The following CHN1 variants were observed in gnomAD, a reference collection of about 807,000 sequenced individuals.
CHN1 encodes N-chimaerin.
Under a neutral mutation model 59.5 loss-of-function variants are expected in CHN1, and 37 were observed. That is an observed-to-expected ratio of 0.62 (90% CI 0.48 to 0.82). The LOEUF (loss-of-function observed/expected upper bound fraction) is 0.82, where lower values mean the gene tolerates loss of function less well. Among genes scored for constraint, CHN1 ranks in the 40% least tolerant of loss-of-function variants. The pLI is 0.00. For missense variants in CHN1, 469 were observed against 571.0 expected (o/e 0.82, Z 1.82); for synonymous variants, 206 against 200.4 (o/e 1.03, Z -0.24).
intron 7 of CHN1, among the ~76,000 whole-genome samples, chr2:174,834,090 G>C (rs547443434): frequency 6.6e-6 from 1 of 152,162 alleles, no homozygotes; most frequent in African/African-American, 2.4e-5. Context: ...ACAGGCGTGA[G>C]CCACCATGCC....
chr2:174,901,571 C>G (rs1203719423), intron 5 of CHN1, among the ~76,000 whole-genome samples: 1 of 152,222 alleles, frequency 6.6e-6, no homozygotes, highest in Non-Finnish European at 1.5e-5. Context: ...CTAATCCTCT[C>G]TCTACCTAAT....
At chr2:174,840,708 A>G (rs1217094484) in intron 7 of CHN1, among the ~76,000 whole-genome samples, 2 of 152,174 alleles carry the variant, frequency 1.3e-5, no homozygotes, top group Non-Finnish European at 2.9e-5. Flanking sequence ...TACTGTGGGC[A>G]AGATGTTTCG....
chr2:174,911,562 A>G (rs927247349), intron 5 of CHN1, among the ~76,000 whole-genome samples: 19 of 152,246 alleles, frequency 1.2e-4, no homozygotes, highest in African/African-American at 4.6e-4. Context: ...GGCTCAGCCT[A>G]AAATTTAGGC....
At chr2:174,800,504 C>A (rs1044067900) in intron 12 of CHN1, among the ~76,000 whole-genome samples, 1 of 152,296 alleles carries the variant, frequency 6.6e-6, no homozygotes, top group South Asian at 2.1e-4. Context: ...GAGGCTCAAG[C>A]CTGAGTTAAT....
intron 7 of CHN1, among the ~76,000 whole-genome samples, chr2:174,826,958 G>A (rs1301209805): frequency 6.6e-6 from 1 of 151,832 alleles, no homozygotes; most frequent in Non-Finnish European, 1.5e-5. Context: ...TTTTTAAATC[G>A]TTTAGAAGGT....
At chr2:174,840,118 T>C (rs1402186528) in intron 7 of CHN1, among the ~76,000 whole-genome samples, 3 of 148,640 alleles carry the variant, frequency 2.0e-5, no homozygotes, top group Non-Finnish European at 3.0e-5. Context: ...ATGTGGCACA[T>C]AAAATTAAAG....
At chr2:174,849,800 G>A (rs1686667436) in intron 6 of CHN1, among the ~76,000 whole-genome samples, 1 of 152,182 alleles carries the variant, frequency 6.6e-6, no homozygotes. Flanking sequence ...AGAGGGCTGA[G>A]GCCTACAGTT....
intron 6 of CHN1, among the ~76,000 whole-genome samples, chr2:174,859,752 A>G (rs1285218834): frequency 6.6e-6 from 1 of 152,086 alleles, no homozygotes; most frequent in East Asian, 1.9e-4. Flanking sequence ...TCTCTACTCT[A>G]CTGTGCTTGC....
At chr2:174,904,503 C>T (rs534575786) in intron 5 of CHN1, among the ~76,000 whole-genome samples, 5 of 152,048 alleles carry the variant, frequency 3.3e-5, no homozygotes, top group Admixed American at 3.3e-4. Flanking sequence ...ATTCTCCTGC[C>T]TCAGCCTCCC....
At position 174,824,521 on chromosome 2, in the gene CHN1, G is replaced by GA. The variant is rs375494218; in HGVS notation, c.628-4dup. On this transcript the variant is annotated splice_region_variant and splice_polypyrimidine_tract_variant and intron_variant, in intron 7 of 12. Transcript: ENST00000409900. The stretch of plus-strand genomic sequence containing the variant: ...TGTGGCCCTCTGAATGTATGCACCT[G>GA]AAAAAAAAAAAGAGGGGCAAAGTCA... 129,836 of 988,914 alleles carry GA rather than the reference G, an allele frequency of 0.13. 65 individuals are homozygous for GA. Among genetic ancestry groups the GA allele is most frequent in the South Asian group, 0.14 (6,747 of 47,474 alleles). The allele number at this position is 988,914 out of a possible 1,614,324, so 61.3% of individuals were successfully genotyped here. A position where few individuals can be genotyped will look rare whatever the true frequency, so the allele number is the denominator to read the frequency against.
At chr2:174,984,322 C>T (rs925585187) in intron 1 of CHN1, among the ~76,000 whole-genome samples, 6 of 147,780 alleles carry the variant, frequency 4.1e-5, no homozygotes, top group African/African-American at 1.5e-4. Flanking sequence ...CTTAAATTAA[C>T]GTTTCTATAA....
At chr2:174,946,971 T>C (rs1374255468) in intron 2 of CHN1, among the ~76,000 whole-genome samples, 2 of 151,770 alleles carry the variant, frequency 1.3e-5, no homozygotes, top group East Asian at 3.9e-4. Flanking sequence ...AAGGTAAAAA[T>C]TTAGTTCACG....
chr2:174,875,838 T>G (rs1687548677), intron 6 of CHN1: 1 of 985,176 alleles, frequency 1.0e-6, no homozygotes, highest in African/African-American at 1.7e-5. Flanking sequence ...GTTGAACAGG[T>G]CATCAACCCT....
At chr2:174,856,667 T>C (rs1023335702) in intron 6 of CHN1, among the ~76,000 whole-genome samples, 2 of 152,192 alleles carry the variant, frequency 1.3e-5, no homozygotes, top group Non-Finnish European at 2.9e-5. Flanking sequence ...CAGCCTGGCT[T>C]CCAAGCCTTG....
At chr2:174,828,205 T>C (rs1261048256) in intron 7 of CHN1, among the ~76,000 whole-genome samples, 1 of 152,116 alleles carries the variant, frequency 6.6e-6, no homozygotes, top group African/African-American at 2.4e-5. Flanking sequence ...TGAGGAGTTT[T>C]GGCAAAGTGG....
chr2:174,886,143 A>G (rs1483161620), intron 5 of CHN1, among the ~76,000 whole-genome samples: 1 of 152,242 alleles, frequency 6.6e-6, no homozygotes, highest in Non-Finnish European at 1.5e-5. Flanking sequence ...CTATACATGT[A>G]TAAGTGTGAG....
At chr2:174,827,274 A>G (rs189661927) in intron 7 of CHN1, among the ~76,000 whole-genome samples, 129 of 152,342 alleles carry the variant, frequency 8.5e-4, no homozygotes, top group African/African-American at 3.0e-3. Context: ...TTATTCATTC[A>G]TAAACATTTA....
chr2:174,859,740 T>C (rs1330673085), intron 6 of CHN1, among the ~76,000 whole-genome samples: 2 of 152,256 alleles, frequency 1.3e-5, no homozygotes, highest in East Asian at 3.9e-4. Flanking sequence ...TTCCCTATCC[T>C]CTCTCTACTC....
At chr2:174,935,705 C>T (rs867250841) in intron 3 of CHN1, among the ~76,000 whole-genome samples, 2 of 152,092 alleles carry the variant, frequency 1.3e-5, no homozygotes, top group African/African-American at 4.8e-5. Flanking sequence ...GCAGGAGGAT[C>T]GCTTGAGCCC....
Sources: allele counts gnomAD v4.1 joint callset (sites outside exome capture counted in the v4.1 genomes callset), GRCh38; gene constraint gnomAD v4.1.1; transcripts MANE v1.5; gene names NCBI Gene and HGNC (gene_info 2026-07-23, HGNC 2026-07-21).